Variants in SNRPB2 observed in about 807,000 individuals in gnomAD.
SNRPB2 encodes the protein U2 small nuclear ribonucleoprotein B''.
A neutral mutation model predicts 26.3 loss-of-function variants in SNRPB2; 16 were observed. The observed-to-expected ratio is 0.61, with a 90% CI of 0.41 to 0.92. The LOEUF (loss-of-function observed/expected upper bound fraction) is 0.92, where lower values mean the gene tolerates loss of function less well. SNRPB2 is among the 40% of genes least tolerant of loss of function. The pLI is 0.00. For synonymous variants in SNRPB2, 75 were observed against 89.0 expected, an observed-to-expected ratio of 0.84 and a Z score of 0.88; for missense variants, 179 against 268.1, an observed-to-expected ratio of 0.67 and a Z score of 2.32.
intron 4 of SNRPB2, among the ~76,000 whole-genome samples, chr20:16,737,717 A>C (rs1232919639): frequency 6.6e-6 from 1 of 152,186 alleles, no homozygotes; most frequent in Non-Finnish European, 1.5e-5. Context: ...TGTAGTTATT[A>C]TCTTTAATCA....
chr20:16,732,705 A>G (rs2072400638), intron 3 of SNRPB2, among the ~76,000 whole-genome samples: 1 of 152,246 alleles, frequency 6.6e-6, no homozygotes, highest in African/African-American at 2.4e-5. Flanking sequence ...CTGAAGTTTT[A>G]GAATATGTCG....
chr20:16,741,110 G>A lies in SNRPB2; in HGVS notation c.*105G>A. The A allele has an allele frequency of 1.2e-6, 1 of 801,144 alleles. No individual in the cohort carries two copies. Among genetic ancestry groups the A allele is most frequent in the South Asian group, 2.5e-5 (1 of 40,304 alleles). 49.6% of individuals were successfully genotyped at this position (801,144 alleles called of 1,614,324 possible). A position where few individuals can be genotyped will look rare whatever the true frequency, so the allele number is the denominator to read the frequency against. On this transcript the variant is annotated 3_prime_UTR_variant, in exon 7 of 7. Transcript: ENST00000246071. ...TAGTTAGAGATGAGGAGGAGTAAAA[G>A]TGAAATTTTTGTGAAGGACTTAAAT...
rs116778721 is a variant in SNRPB2 at position 16,740,595 on chromosome 20, C to A, written c.518+182C>A. 2.7e-3 allele frequency among the ~76,000 whole-genome samples: 407 copies of A among 152,272 alleles called. 1 individual carries two copies. Among genetic ancestry groups the A allele is most frequent in the African/African-American group, 9.5e-3 (395 of 41,552 alleles). ...TAGCAAATACAAAGCTAAATTTCCT[C>A]TAATGTTTGAATTCTTAACTCTGAT... On this transcript the variant is annotated intron_variant, in intron 6 of 6. Transcript: ENST00000246071.
chr20:16,735,101 G>A (rs2072416811), intron 3 of SNRPB2, among the ~76,000 whole-genome samples: 1 of 152,130 alleles, frequency 6.6e-6, no homozygotes, highest in Non-Finnish European at 1.5e-5. Context: ...TGTGGGTTTA[G>A]GCCTACTCCC....
Position 16,738,915 on chromosome 20 carries a change from C to G in SNRPB2, c.429+13C>G. ...ACCAAATCCTCAGGTAATTTTTTTT[C>G]CATGTCGTGCTTACCTTAAAATAAG... On this transcript the variant is annotated intron_variant, in intron 5 of 6. Coordinates refer to ENST00000246071, the MANE Select transcript of SNRPB2 (RefSeq NM_003092.5). 1 of 1,568,514 alleles carries G rather than the reference C, an allele frequency of 6.4e-7. No individual in the cohort carries two copies. The highest frequency in any genetic ancestry group is 8.8e-7 in the Non-Finnish European group (1 of 1,139,300).
At chr20:16,733,567 G>A (rs542845039) in intron 3 of SNRPB2, among the ~76,000 whole-genome samples, 2 of 152,172 alleles carry the variant, frequency 1.3e-5, no homozygotes, top group African/African-American at 2.4e-5. Flanking sequence ...TGCATTACAG[G>A]TCAGCAAACT....
At chr20:16,735,109 C>T (rs1016655717) in intron 3 of SNRPB2, among the ~76,000 whole-genome samples, 8 of 152,112 alleles carry the variant, frequency 5.3e-5, no homozygotes, top group Non-Finnish European at 8.8e-5. Context: ...TAGGCCTACT[C>T]CCTCCCCTCT....
At chr20:16,735,106 A>G (rs1389355370) in intron 3 of SNRPB2, among the ~76,000 whole-genome samples, 2 of 151,598 alleles carry the variant, frequency 1.3e-5, no homozygotes, top group African/African-American at 2.4e-5. Flanking sequence ...GTTTAGGCCT[A>G]CTCCCTCCCC....
rs1325999024 is a variant in SNRPB2 at position 16,742,141 on chromosome 20, G to C, written c.*1136G>C. 3 of 152,124 alleles carry C rather than the reference G, an allele frequency of 2.0e-5. No homozygotes were observed. Among genetic ancestry groups the C allele is most frequent in the African/African-American group, 7.2e-5 (3 of 41,418 alleles). The allele number at this position is 152,124 out of a possible 1,614,324, so 9.4% of individuals were successfully genotyped here. A position where few individuals can be genotyped will look rare whatever the true frequency, so the allele number is the denominator to read the frequency against. ...AAATGTTTCCTATAACTTTGTCACA[G>C]TTAGTCTGACTCTTCTGAATAACTT... On this transcript the variant is annotated 3_prime_UTR_variant, in exon 7 of 7. Coordinates refer to ENST00000246071, the MANE Select transcript of SNRPB2 (RefSeq NM_003092.5).
At chr20:16,733,479 C>T (rs2072406039) in intron 3 of SNRPB2, among the ~76,000 whole-genome samples, 2 of 152,192 alleles carry the variant, frequency 1.3e-5, no homozygotes, top group Non-Finnish European at 2.9e-5. Context: ...AATTGTTCAT[C>T]TAGGTTATAG....
At chr20:16,737,503 C>T (rs2072434404) in intron 4 of SNRPB2, 102 bp downstream of exon 4, 1 of 1,013,596 alleles carries the variant, frequency 9.9e-7, no homozygotes, top group Non-Finnish European at 1.4e-6. Context: ...TGTATATGTG[C>T]ATAAATGTGT....
intron 5 of SNRPB2, among the ~76,000 whole-genome samples, chr20:16,739,905 ATT>A (rs200518385): frequency 1.1e-4 from 15 of 139,302 alleles, no homozygotes; most frequent in Admixed American, 1.4e-4. Context: ...TCTAGTTCCA[ATT>A]TTTTTTTTTT....
At chr20:16,733,725 C>A (rs2072407963) in intron 3 of SNRPB2, among the ~76,000 whole-genome samples, 1 of 152,108 alleles carries the variant, frequency 6.6e-6, no homozygotes, top group South Asian at 2.1e-4. Flanking sequence ...GTTTGAGGAC[C>A]CCTGTTTTAT....
rs1448886812 is a variant in SNRPB2 at position 16,741,360 on chromosome 20, C to A, written c.*355C>A. The A allele has an allele frequency of 6.3e-6, 1 of 159,660 alleles. No individual in the cohort carries two copies. The highest frequency in any genetic ancestry group is 1.4e-5 in the Non-Finnish European group (1 of 73,044). The allele number at this position is 159,660 out of a possible 1,614,324, so 9.9% of individuals were successfully genotyped here. A position where few individuals can be genotyped will look rare whatever the true frequency, so the allele number is the denominator to read the frequency against. On this transcript the variant is annotated 3_prime_UTR_variant, in exon 7 of 7. Transcript: ENST00000246071. ...GAGCTAATTATACAACATCATTGAA[C>A]CATTCAATAAAAGTTAAGTAAAATT...
intron 6 of SNRPB2, 110 bp downstream of exon 6, chr20:16,740,523 T>C: frequency 6.7e-7 from 1 of 1,487,810 alleles, no homozygotes; most frequent in Non-Finnish European, 8.9e-7. Context: ...TACAGGTTCA[T>C]TGATTTGGTT....
intron 3 of SNRPB2, among the ~76,000 whole-genome samples, chr20:16,736,494 G>GA (rs936496285): frequency 2.6e-5 from 4 of 151,536 alleles, no homozygotes; most frequent in Admixed American, 6.6e-5. Flanking sequence ...TCTAAAAAAT[G>GA]AAAAAAAATT....
chr20:16,739,714 T>C (rs961600166), intron 5 of SNRPB2, among the ~76,000 whole-genome samples: 6 of 152,184 alleles, frequency 3.9e-5, no homozygotes, highest in African/African-American at 1.4e-4. Context: ...TTTTCTTATA[T>C]AGAAGACCCT....
intron 3 of SNRPB2, among the ~76,000 whole-genome samples, chr20:16,734,849 C>T (rs1436419978): frequency 6.6e-6 from 1 of 152,188 alleles, no homozygotes; most frequent in African/African-American, 2.4e-5. Context: ...GTGACTAGGT[C>T]ATAAGGACAG....
In SNRPB2 at chr20:16,741,589, G is replaced by T. The variant is rs1278102302; in HGVS notation, c.*584G>T. On this transcript the variant is annotated 3_prime_UTR_variant, in exon 7 of 7. Transcript: ENST00000246071. ...AAAGGCTGTTCTTACTGTTTACTGAGAAAACAGAAAGGGAATGCTATCTTC... is the reference window on the plus strand; with the variant it reads ...AAAGGCTGTTCTTACTGTTTACTGATAAAACAGAAAGGGAATGCTATCTTC... 1 of 152,176 alleles carries T rather than the reference G, an allele frequency of 6.6e-6. No homozygotes were observed. Among genetic ancestry groups the T allele is most frequent in the East Asian group, 1.9e-4 (1 of 5,196 alleles). 9.4% of individuals were successfully genotyped at this position (152,176 alleles called of 1,614,324 possible).
Sources: gnomAD v4.1 joint callset for allele counts (sites outside exome capture counted in the v4.1 genomes callset) on GRCh38, gnomAD v4.1.1 for gene constraint, MANE v1.5 for transcripts, NCBI Gene and HGNC (gene_info 2026-07-23, HGNC 2026-07-21) for gene names.